Variants in CDKL4 observed in about 807,000 individuals in gnomAD.
The protein encoded by CDKL4 is cyclin dependent kinase like 4.
In CDKL4, 44 loss-of-function variants were observed where a neutral mutation model predicts 42.0. The observed-to-expected ratio is 1.05, with a 90% CI of 0.82 to 1.35. The LOEUF (loss-of-function observed/expected upper bound fraction) is 1.35. Ranked by LOEUF, CDKL4 falls within the 40% of genes most tolerant of loss-of-function variation. The pLI is 0.00. For missense variants in CDKL4, 393 were observed against 369.9 expected (o/e 1.06, Z -0.51); for synonymous variants, 120 against 121.6 (o/e 0.99, Z 0.09).
At chr2:39,191,628 T>TGACC (rs1558552474) in intron 5 of CDKL4, among the ~76,000 whole-genome samples, 1 of 152,232 alleles carries the variant, frequency 6.6e-6, no homozygotes, top group Non-Finnish European at 1.5e-5. Flanking sequence ...TATCCAAATG[T>TGACC]GACCCACTGT....
chr2:39,214,326 C>T (rs565365523), intron 3 of CDKL4, among the ~76,000 whole-genome samples: 1 of 152,228 alleles, frequency 6.6e-6, no homozygotes, highest in South Asian at 2.1e-4. Flanking sequence ...ACCTGCCTAG[C>T]CACCCATTTA....
At chr2:39,246,236 T>C (rs1260711491), upstream of CDKL4, among the ~76,000 whole-genome samples, 2 of 152,212 alleles carry the variant, frequency 1.3e-5, no homozygotes, top group Non-Finnish European at 2.9e-5. Flanking sequence ...CTCCCATCTT[T>C]AACAAACAAA....
intron 5 of CDKL4, among the ~76,000 whole-genome samples, chr2:39,200,582 C>A (rs1676786179): frequency 6.6e-6 from 1 of 152,122 alleles, no homozygotes; most frequent in African/African-American, 2.4e-5. Flanking sequence ...TACCTGACTT[C>A]AAACTATACT....
chr2:39,194,985 A>G (rs937352686), intron 5 of CDKL4, among the ~76,000 whole-genome samples: 2 of 152,094 alleles, frequency 1.3e-5, no homozygotes, highest in African/African-American at 4.8e-5. Flanking sequence ...CCCTTCCCCC[A>G]GCCCTGATAA....
chr2:39,197,800 C>A (rs1236512511), intron 5 of CDKL4, among the ~76,000 whole-genome samples: 1 of 151,248 alleles, frequency 6.6e-6, no homozygotes, highest in African/African-American at 2.5e-5. Context: ...AGAGAATTTG[C>A]CAATGCCAAG....
intron 4 of CDKL4, among the ~76,000 whole-genome samples, chr2:39,209,235 A>T (rs1677426295): frequency 6.6e-6 from 1 of 151,224 alleles, no homozygotes; most frequent in South Asian, 2.1e-4. Context: ...TTGTTTGAGC[A>T]TGGGAGGCTG....
chr2:39,212,762 T>G (rs1677666241), intron 4 of CDKL4, among the ~76,000 whole-genome samples: 1 of 152,094 alleles, frequency 6.6e-6, no homozygotes, highest in African/African-American at 2.4e-5. Context: ...TGGGTTCAAG[T>G]GATTCTCCAG....
intron 8 of CDKL4, among the ~76,000 whole-genome samples, chr2:39,181,700 G>A (rs768691470): frequency 5.3e-5 from 8 of 152,304 alleles, no homozygotes; most frequent in Non-Finnish European, 1.2e-4. Context: ...GAGGGAAGAT[G>A]GTGTAGACAG....
chr2:39,220,566 A>G (rs1485211675), intron 3 of CDKL4, among the ~76,000 whole-genome samples: 3 of 152,082 alleles, frequency 2.0e-5, no homozygotes, highest in Non-Finnish European at 4.4e-5. Flanking sequence ...CAATATGGGC[A>G]CAACTTATTC....
chr2:39,213,363 G>T, intron 4 of CDKL4, 37 bp downstream of exon 4: 1 of 1,279,814 alleles, frequency 7.8e-7, no homozygotes, highest in Non-Finnish European at 1.1e-6. Context: ...GAGTCATCAT[G>T]AAGAAATGAA....
chr2:39,199,795 T>C (rs1432933095), intron 5 of CDKL4, among the ~76,000 whole-genome samples: 1 of 152,182 alleles, frequency 6.6e-6, no homozygotes, highest in Admixed American at 6.5e-5. Flanking sequence ...CATTGCTTTA[T>C]GATGAAAACC....
At chr2:39,223,161 T>C (rs1160150884) in intron 3 of CDKL4, among the ~76,000 whole-genome samples, 1 of 152,158 alleles carries the variant, frequency 6.6e-6, no homozygotes, top group Non-Finnish European at 1.5e-5. Context: ...TATTGTACTA[T>C]TGTATGGATG....
rs753058460 is a variant in CDKL4 at position 39,184,578 on chromosome 2, G to C, written c.792+13C>G. ...TTTATAGCTAATAAGAGTTATAATT[G>C]ATTCTTAAGTACCTTCATGAAGTTC... is the stretch of plus-strand genomic sequence containing the variant. On this transcript the variant is annotated intron_variant, in intron 8 of 9. Transcript: ENST00000451199. 1 of 1,594,286 alleles carries C rather than the reference G, an allele frequency of 6.3e-7. No individual in the cohort carries two copies. The highest frequency in any genetic ancestry group is 8.6e-7 in the Non-Finnish European group (1 of 1,163,932).
At chr2:39,178,890 T>A in intron 9 of CDKL4, 2 of 1,463,778 alleles carry the variant, frequency 1.4e-6, no homozygotes, top group Non-Finnish European at 1.8e-6. Flanking sequence ...TTATATGAAG[T>A]TGTTATATTA....
intron 8 of CDKL4, among the ~76,000 whole-genome samples, chr2:39,183,809 G>A (rs1675574694): frequency 6.6e-6 from 1 of 152,092 alleles, no homozygotes; most frequent in African/African-American, 2.4e-5. Flanking sequence ...GAGAGCACAG[G>A]GGTATCAGGC....
chr2:39,202,001 G>A (rs1478675533), intron 5 of CDKL4, among the ~76,000 whole-genome samples: 5 of 152,134 alleles, frequency 3.3e-5, no homozygotes, highest in Admixed American at 3.3e-4. Flanking sequence ...GGAGGCCGAG[G>A]CAGGCAGATG....
intron 7 of CDKL4, among the ~76,000 whole-genome samples, chr2:39,186,389 C>A (rs1016168393): frequency 6.6e-6 from 1 of 152,284 alleles, no homozygotes; most frequent in East Asian, 1.9e-4. Flanking sequence ...CCCATCCCTG[C>A]GTGGCTCTGA....
chr2:39,169,844 G>C, the CDKL4 span, among the ~76,000 whole-genome samples: 1 of 151,884 alleles, frequency 6.6e-6, no homozygotes, highest in African/African-American at 2.4e-5. Context: ...TGTCACCCAG[G>C]CTGGAGTGCA....
upstream of CDKL4, among the ~76,000 whole-genome samples, chr2:39,246,051 T>C (rs1223707545): frequency 1.3e-5 from 2 of 152,216 alleles, no homozygotes; most frequent in Non-Finnish European, 2.9e-5. Flanking sequence ...AACTTAGAAA[T>C]GCTATATGTT....
Sources: allele counts gnomAD v4.1 joint callset (sites outside exome capture counted in the v4.1 genomes callset), GRCh38; gene constraint gnomAD v4.1.1; transcripts MANE v1.5; gene names NCBI Gene and HGNC (gene_info 2026-07-23, HGNC 2026-07-21).